NEDD4: variants seen among roughly 807,000 people sequenced by gnomAD.
The protein encoded by NEDD4 is E3 ubiquitin-protein ligase NEDD4.
In NEDD4, 99 loss-of-function variants were observed where a neutral mutation model predicts 144.9. The observed-to-expected ratio is 0.68, with a 90% confidence interval of 0.58 to 0.81. NEDD4 has a LOEUF of 0.81. Among genes scored for constraint, NEDD4 ranks in the 30% least tolerant of loss-of-function variants. NEDD4 has a pLI of 0.00. For synonymous variants in NEDD4, 318 were observed against 350.6 expected, an observed-to-expected ratio of 0.91 and a Z score of 1.04; for missense variants, 985 against 1,065.9, an observed-to-expected ratio of 0.92 and a Z score of 1.06.
chr15:55,993,544 G>T lies in NEDD4; in HGVS notation c.12C>A (p.Cys4Ter). MAT[C>*]AVEVFGLLED... is the part of the protein sequence containing the mutation. ...CCAGGAGCCCGAACACCTCCACCGC[G>T]CAAGTTGCCATTTCCGAACGCTTCC... The change falls in exon 1 of 29, where the codon TGC becomes TGA. Residue 4 changes from cysteine to a stop codon, truncating the protein, a stop_gained. Coordinates refer to ENST00000435532, the MANE Select transcript of NEDD4 (RefSeq NM_006154.4). LOFTEE classifies it high-confidence loss of function. 1 of 1,596,500 alleles carries T rather than the reference G, an allele frequency of 6.3e-7. No individual in the cohort carries two copies. The highest frequency in any genetic ancestry group is 8.5e-7 in the Non-Finnish European group (1 of 1,173,720).
intron 18 of NEDD4, among the ~76,000 whole-genome samples, chr15:55,846,125 G>T (rs1232507604): frequency 1.3e-5 from 2 of 152,106 alleles, no homozygotes; most frequent in Non-Finnish European, 2.9e-5. Flanking sequence ...GAAAGTTTAT[G>T]ATATTTAAGG....
chr15:55,837,987 G>A, intron 23 of NEDD4, 120 bp downstream of exon 23: 1 of 898,990 alleles, frequency 1.1e-6, no homozygotes, highest in Non-Finnish European at 1.7e-6. Context: ...ACTGCATTGT[G>A]ATAGAGAAAA....
chr15:55,904,650 C>T (rs1256243976), intron 5 of NEDD4, among the ~76,000 whole-genome samples: 1 of 152,142 alleles, frequency 6.6e-6, no homozygotes, highest in African/African-American at 2.4e-5. Flanking sequence ...TTCTGAGTGA[C>T]AGGTATGCAT....
intron 5 of NEDD4, chr15:55,916,295 A>C: frequency 6.2e-7 from 1 of 1,613,810 alleles, no homozygotes; most frequent in South Asian, 1.1e-5. Flanking sequence ...TAGTATATGA[A>C]CCTCCACTTG....
At chr15:55,858,673 C>T (rs1441557110) in intron 11 of NEDD4, among the ~76,000 whole-genome samples, 1 of 152,140 alleles carries the variant, frequency 6.6e-6, no homozygotes, top group African/African-American at 2.4e-5. Context: ...GAATGGAAGA[C>T]AGAACAGACA....
At chr15:55,937,982 T>C (rs1003606110) in intron 4 of NEDD4, among the ~76,000 whole-genome samples, 6 of 152,072 alleles carry the variant, frequency 3.9e-5, no homozygotes, top group Non-Finnish European at 8.8e-5. Context: ...ATGAAATAGA[T>C]AGCTCAAAAA....
chr15:55,939,812 C>T (rs78698658), intron 4 of NEDD4, among the ~76,000 whole-genome samples: 1 of 151,936 alleles, frequency 6.6e-6, no homozygotes, highest in African/African-American at 2.4e-5. Context: ...ATAAAGGTTC[C>T]CCAAAAAATT....
chr15:55,909,217 G>A (rs1388428974), intron 5 of NEDD4, among the ~76,000 whole-genome samples: 5 of 152,070 alleles, frequency 3.3e-5, no homozygotes, highest in Non-Finnish European at 7.4e-5. Flanking sequence ...CCCATGAATC[G>A]AGCTACAAGG....
intron 5 of NEDD4, among the ~76,000 whole-genome samples, chr15:55,882,670 G>C (rs572008946): frequency 2.6e-5 from 4 of 152,176 alleles, no homozygotes; most frequent in Non-Finnish European, 5.9e-5. Flanking sequence ...TTGGGGGGCA[G>C]GTGATCTAGT....
chr15:55,839,793 C>T (rs533731649), intron 21 of NEDD4, among the ~76,000 whole-genome samples: 12 of 151,096 alleles, frequency 7.9e-5, no homozygotes, highest in South Asian at 6.3e-4. Flanking sequence ...CTGGTGAACA[C>T]GGTGAAACCC....
chr15:55,854,494 T>C (rs1325052294), intron 12 of NEDD4, among the ~76,000 whole-genome samples: 1 of 152,134 alleles, frequency 6.6e-6, no homozygotes, highest in African/African-American at 2.4e-5. Context: ...AAAAACAGCA[T>C]GCTAAGTGAA....
intron 5 of NEDD4, chr15:55,915,287 G>GTAAGAAT (rs780291170): frequency 1.9e-6 from 3 of 1,556,010 alleles, no homozygotes; most frequent in Non-Finnish European, 2.6e-6. Flanking sequence ...AACTTACCTT[G>GTAAGAAT]CAAGAATTAG....
chr15:55,856,255 G>T, intron 11 of NEDD4, 59 bp from the exon 12 acceptor site: 1 of 1,443,052 alleles, frequency 6.9e-7, no homozygotes, highest in South Asian at 1.2e-5. Context: ...GCCTTTGAGT[G>T]ACAGCTAAGG....
At chr15:55,988,270 A>C (rs1280148544) in intron 1 of NEDD4, among the ~76,000 whole-genome samples, 1 of 123,448 alleles carries the variant, frequency 8.1e-6, no homozygotes, top group South Asian at 3.2e-4. Context: ...TGGGAATTGA[A>C]CAATGAGATC....
At chr15:55,938,347 CAAAACAAAACAA>C (rs2036932196) in intron 4 of NEDD4, among the ~76,000 whole-genome samples, 4 of 151,832 alleles carry the variant, frequency 2.6e-5, no homozygotes, top group South Asian at 4.2e-4. Context: ...TGTCTGAAAA[CAAAACAAAACAA>C]AAAACAAAAC....
In NEDD4 at chr15:55,931,474, T is replaced by C. The variant is rs184827482; in HGVS notation, c.238-6775A>G. ...GAAGTAAAACTATGCTCACAAAAAA[T>C]AGAGTTTATAAGATGATATTTTAAG... On this transcript the variant is annotated intron_variant, in intron 4 of 28. Coordinates refer to ENST00000435532, the MANE Select transcript of NEDD4 (RefSeq NM_006154.4). Among the ~76,000 whole-genome samples the C allele has an allele frequency of 1.8e-4, 28 of 151,792 alleles. 1 individual carries two copies. In the East Asian group the frequency reaches 3.9e-3, roughly 21 times the overall value.
chr15:55,981,986 CTT>C lies in NEDD4; in HGVS notation c.45+11523_45+11524del, dbSNP rs1296085884. Among the ~76,000 whole-genome samples the C allele has an allele frequency of 8.5e-5, 13 of 152,312 alleles. No homozygotes were observed. The East Asian group carries it at 2.3e-3, about 27-fold the overall frequency. ...ATCATTACTTTACATCTTATCACTA[CTT>C]TTAAGTGTGATAACACCATATCTGT... On this transcript the variant is annotated intron_variant, in intron 1 of 28. Transcript: ENST00000435532.
intron 4 of NEDD4, among the ~76,000 whole-genome samples, chr15:55,947,611 A>C (rs1295141273): frequency 6.6e-6 from 1 of 152,144 alleles, no homozygotes; most frequent in Non-Finnish European, 1.5e-5. Context: ...ACCATGATCA[A>C]GTGGGCTTCA....
chr15:55,837,877 T>G, intron 23 of NEDD4, 28 bp from the exon 24 acceptor site: 1 of 1,573,952 alleles, frequency 6.4e-7, no homozygotes, highest in Non-Finnish European at 8.7e-7. Context: ...TTCATTTTCA[T>G]GTGAACCAAG....
Sources: allele counts gnomAD v4.1 joint callset (sites outside exome capture counted in the v4.1 genomes callset), GRCh38; gene constraint gnomAD v4.1.1; transcripts MANE v1.5; gene names NCBI Gene and HGNC (gene_info 2026-07-23, HGNC 2026-07-21).